Variants in KIAA1217 observed in about 807,000 individuals in gnomAD.
KIAA1217 encodes the protein sickle tail protein homolog.
KIAA1217 carries 88 observed loss-of-function variants against 163.9 expected under a neutral mutation model. The observed-to-expected ratio is 0.54, with a 90% CI of 0.45 to 0.64. The LOEUF (loss-of-function observed/expected upper bound fraction) is 0.64. Among genes scored for constraint, KIAA1217 ranks in the 30% least tolerant of loss-of-function variants. The pLI is 0.00. For synonymous variants in KIAA1217, 903 were observed against 923.1 expected (o/e 0.98, Z 0.39); for missense variants, 2,372 against 2,475.0 (o/e 0.96, Z 0.88).
chr10:23,792,134 C>T (rs937116306), intron 1 of KIAA1217, among the ~76,000 whole-genome samples: 2 of 152,170 alleles, frequency 1.3e-5, no homozygotes, highest in Non-Finnish European at 2.9e-5. Context: ...TATGTTTTAT[C>T]TTTGCAAGCC....
chr10:24,535,570 T>A (rs1168170679), intron 16 of KIAA1217, among the ~76,000 whole-genome samples: 2 of 152,108 alleles, frequency 1.3e-5, no homozygotes, highest in Non-Finnish European at 2.9e-5. Flanking sequence ...AGGTCAGCAG[T>A]TTGAGACCAG....
At chr10:24,152,650 G>A (rs118093091) in intron 2 of KIAA1217, among the ~76,000 whole-genome samples, 2,409 of 151,616 alleles carry the variant, frequency 0.016, 26 homozygotes, top group Middle Eastern at 0.058. Context: ...ACTAAATAGG[G>A]CAGAACATAT....
At chr10:24,143,311 C>A (rs981081235) in intron 2 of KIAA1217, among the ~76,000 whole-genome samples, 8 of 152,158 alleles carry the variant, frequency 5.3e-5, no homozygotes, top group African/African-American at 1.7e-4. Flanking sequence ...GTTGTCCAGG[C>A]TGGAGTCTGG....
intron 1 of KIAA1217, among the ~76,000 whole-genome samples, chr10:23,843,167 T>C (rs2131072868): frequency 6.6e-6 from 1 of 152,296 alleles, no homozygotes; most frequent in South Asian, 2.1e-4. Context: ...TATCTTACTA[T>C]GTAAAATTTG....
At chr10:23,876,145 C>G (rs546803629) in intron 1 of KIAA1217, among the ~76,000 whole-genome samples, 1 of 151,286 alleles carries the variant, frequency 6.6e-6, no homozygotes, top group Non-Finnish European at 1.5e-5. Flanking sequence ...GAATGCTATG[C>G]AGCCATAAAA....
At chr10:24,071,926 C>T (rs1451096742) in intron 2 of KIAA1217, among the ~76,000 whole-genome samples, 1 of 151,880 alleles carries the variant, frequency 6.6e-6, no homozygotes, top group Non-Finnish European at 1.5e-5. Context: ...ATTATTTCAC[C>T]ATCTTTTAAC....
chr10:23,738,046 G>C lies in KIAA1217; in HGVS notation c.-321+42812G>C, dbSNP rs751993057. On this transcript the variant is annotated intron_variant, in intron 1 of 18. Transcript: ENST00000376462. Reference sequence around the variant, plus strand: ...ACGTAGATATATATATAAAATCCTTGAATCATAAACTTCTCCCTCCACGCA... The same window carrying C: ...ACGTAGATATATATATAAAATCCTTCAATCATAAACTTCTCCCTCCACGCA... 3.6e-4 allele frequency among the ~76,000 whole-genome samples: 54 copies of C among 151,744 alleles called. 1 individual carries two copies. The highest frequency in any genetic ancestry group is 6.8e-4 in the Non-Finnish European group (46 of 67,942).
intron 2 of KIAA1217, among the ~76,000 whole-genome samples, chr10:24,347,449 G>A (rs896507350): frequency 6.6e-6 from 1 of 151,790 alleles, no homozygotes; most frequent in Non-Finnish European, 1.5e-5. Flanking sequence ...ACATTTCTCA[G>A]AGAAAAAAAG....
intron 1 of KIAA1217, among the ~76,000 whole-genome samples, chr10:23,852,788 G>A (rs1331353163): frequency 6.6e-6 from 1 of 152,122 alleles, no homozygotes; most frequent in Non-Finnish European, 1.5e-5. Flanking sequence ...TTGTGAATGG[G>A]AGTTCACTCA....
At chr10:24,052,951 G>A (rs879541151) in intron 2 of KIAA1217, among the ~76,000 whole-genome samples, 1 of 152,036 alleles carries the variant, frequency 6.6e-6, no homozygotes, top group Non-Finnish European at 1.5e-5. Context: ...GGTAGGAGAG[G>A]CATCTGAGAA....
At chr10:24,357,041 C>T (rs1441925013) in intron 2 of KIAA1217, among the ~76,000 whole-genome samples, 1 of 152,198 alleles carries the variant, frequency 6.6e-6, no homozygotes, top group South Asian at 2.1e-4. Context: ...TGGTCTCAGA[C>T]TCTCAGCCCA....
intron 12 of KIAA1217, among the ~76,000 whole-genome samples, 191 bp from the exon 13 acceptor site, chr10:24,524,132 A>G (rs1356427769): frequency 2.0e-5 from 3 of 152,136 alleles, no homozygotes; most frequent in Non-Finnish European, 4.4e-5. Flanking sequence ...CCCCCAAACA[A>G]TGATGGAGTT....
At chr10:23,946,742 A>G (rs1349842078) in intron 1 of KIAA1217, among the ~76,000 whole-genome samples, 1 of 152,186 alleles carries the variant, frequency 6.6e-6, no homozygotes, top group Admixed American at 6.5e-5. Flanking sequence ...GATAGGTAAA[A>G]CATTTTGTTA....
chr10:23,739,936 C>T (rs9733424), intron 1 of KIAA1217, among the ~76,000 whole-genome samples: 34,944 of 151,864 alleles, frequency 0.23, 4,332 homozygotes, highest in African/African-American at 0.32. Context: ...AGAAGAGTTA[C>T]GGATAAGTCC....
chr10:24,068,773 C>A (rs183608467), intron 2 of KIAA1217, among the ~76,000 whole-genome samples: 61 of 152,298 alleles, frequency 4.0e-4, no homozygotes, highest in African/African-American at 1.4e-3. Flanking sequence ...CCCTCAGCAC[C>A]CAGAGAGGTC....
rs866618715 is a variant in KIAA1217 at position 24,309,347 on chromosome 10, C to T, written c.355-71522C>T. On this transcript the variant is annotated intron_variant, in intron 2 of 20. Transcript: ENST00000376454. Reference sequence around the variant, plus strand: ...TGACAAATAGGCGCGCGCACGCGCGCGCGCACACACACACACACACACACA... The same window carrying T: ...TGACAAATAGGCGCGCGCACGCGCGTGCGCACACACACACACACACACACA... Among the ~76,000 whole-genome samples the T allele has an allele frequency of 3.4e-3, 446 of 132,354 alleles. 3 individuals are homozygous for T. Among genetic ancestry groups the T allele is most frequent in the African/African-American group, 0.011 (405 of 36,772 alleles). The allele number at this position is 132,354 out of a possible 152,430, so 86.8% of individuals were successfully genotyped here. A position where few individuals can be genotyped will look rare whatever the true frequency, so the allele number is the denominator to read the frequency against.
chr10:23,955,132 T>C (rs7893502), intron 1 of KIAA1217, among the ~76,000 whole-genome samples: 22,145 of 152,070 alleles, frequency 0.15, 3,384 homozygotes, highest in African/African-American at 0.39. Context: ...GCAGGCAACA[T>C]TATTGTCCCT....
intron 2 of KIAA1217, among the ~76,000 whole-genome samples, chr10:24,012,894 A>T (rs1446227000): frequency 6.6e-6 from 1 of 152,164 alleles, no homozygotes; most frequent in Non-Finnish European, 1.5e-5. Context: ...ATGATAAATC[A>T]CATCCTAACG....
intron 8 of KIAA1217, among the ~76,000 whole-genome samples, chr10:24,498,102 T>G (rs1447490183): frequency 6.6e-6 from 1 of 152,064 alleles, no homozygotes; most frequent in Non-Finnish European, 1.5e-5. Flanking sequence ...CGTTAGTATG[T>G]GGATCTGAAG....
Sources: allele counts gnomAD v4.1 joint callset (sites outside exome capture counted in the v4.1 genomes callset), GRCh38; gene constraint gnomAD v4.1.1; transcripts MANE v1.5; gene names NCBI Gene and HGNC (gene_info 2026-07-23, HGNC 2026-07-21).